The following ASCC3 variants were observed in gnomAD, a reference collection of about 807,000 sequenced individuals.
ASCC3 encodes the protein ASC-1 complex subunit P200.
Under a neutral mutation model 256.3 loss-of-function variants are expected in ASCC3, and 158 were observed. That is an observed-to-expected ratio of 0.62 (90% CI 0.54 to 0.70). The LOEUF is 0.70. Among genes scored for constraint, ASCC3 ranks in the 30% least tolerant of loss-of-function variants. The probability of loss-of-function intolerance (pLI) is 0.00; values close to 1 mark genes in which losing one functional copy is unlikely to be tolerated. For missense variants in ASCC3, 2,259 were observed against 2,626.0 expected (o/e 0.86, Z 3.05); for synonymous variants, 948 against 883.4 (o/e 1.07, Z -1.30).
chr6:100,859,247 A>G, intron 3 of ASCC3: 2 of 778,968 alleles, frequency 2.6e-6, no homozygotes, highest in Non-Finnish European at 4.8e-6. Context: ...TTTCTGGGTT[A>G]ATTTCTGCTT....
chr6:100,538,034 T>C (rs1414142553), intron 37 of ASCC3, among the ~76,000 whole-genome samples: 31 of 152,024 alleles, frequency 2.0e-4, no homozygotes, highest in Non-Finnish European at 7.4e-5. Flanking sequence ...ATATGGCTTT[T>C]GAATCATTAT....
intron 36 of ASCC3, among the ~76,000 whole-genome samples, chr6:100,555,126 TA>T (rs11454168): frequency 0.019 from 2,744 of 148,184 alleles, 74 homozygotes; most frequent in African/African-American, 0.064. Flanking sequence ...TTGAAAAAAG[TA>T]AAAAAAAAAT....
chr6:100,718,934 T>C (rs1779203053), intron 11 of ASCC3, among the ~76,000 whole-genome samples: 1 of 152,068 alleles, frequency 6.6e-6, no homozygotes, highest in African/African-American at 2.4e-5. Flanking sequence ...ATTCATTTGT[T>C]AATTAAAATA....
intron 36 of ASCC3, among the ~76,000 whole-genome samples, chr6:100,583,194 C>T (rs1027675203): frequency 9.2e-5 from 14 of 152,248 alleles, no homozygotes; most frequent in East Asian, 3.9e-4. Context: ...TTGTACAATT[C>T]GGCTGTGAAT....
At chr6:100,587,110 C>A (rs1393227574) in intron 36 of ASCC3, among the ~76,000 whole-genome samples, 1 of 152,094 alleles carries the variant, frequency 6.6e-6, no homozygotes, top group Non-Finnish European at 1.5e-5. Flanking sequence ...GGAAACAGAT[C>A]TTTGAAACAC....
At chr6:100,592,944 C>G (rs183961999) in intron 34 of ASCC3, among the ~76,000 whole-genome samples, 160 of 152,226 alleles carry the variant, frequency 1.1e-3, no homozygotes, top group Non-Finnish European at 1.7e-3. Flanking sequence ...ATTATCTTCT[C>G]TTTGCCATAA....
chr6:100,793,915 C>A (rs1386084903), intron 8 of ASCC3, among the ~76,000 whole-genome samples: 5 of 151,998 alleles, frequency 3.3e-5, no homozygotes, highest in African/African-American at 1.2e-4. Context: ...CTATTCCTCA[C>A]CTTAGTAAAT....
At chr6:100,721,687 A>G (rs755456256) in intron 11 of ASCC3, among the ~76,000 whole-genome samples, 4 of 151,756 alleles carry the variant, frequency 2.6e-5, no homozygotes, top group Non-Finnish European at 5.9e-5. Flanking sequence ...GCATATACAC[A>G]TATTTTTAAT....
At chr6:100,578,229 C>T (rs1264232224) in intron 36 of ASCC3, among the ~76,000 whole-genome samples, 1 of 151,982 alleles carries the variant, frequency 6.6e-6, no homozygotes, top group Non-Finnish European at 1.5e-5. Flanking sequence ...GAATTTTTAC[C>T]AATTCTGACA....
chr6:100,821,408 TG>T (rs774593196), intron 4 of ASCC3, among the ~76,000 whole-genome samples: 131 of 59,150 alleles, frequency 2.2e-3, no homozygotes, highest in Non-Finnish European at 6.1e-3. Context: ...ATCAAAAACA[TG>T]TGCACAAGTT....
chr6:100,825,592 C>G (rs1325161448), intron 4 of ASCC3, among the ~76,000 whole-genome samples: 1 of 152,068 alleles, frequency 6.6e-6, no homozygotes, highest in Non-Finnish European at 1.5e-5. Context: ...TGAGGTTGCT[C>G]TTCTTGAGGA....
At chr6:100,798,672 C>T in intron 8 of ASCC3, 41 bp downstream of exon 8, 1 of 1,608,968 alleles carries the variant, frequency 6.2e-7, no homozygotes, top group Non-Finnish European at 8.5e-7. Context: ...TACCGCATAC[C>T]AAGCCTCAAA....
intron 8 of ASCC3, among the ~76,000 whole-genome samples, chr6:100,783,616 C>T (rs1782550188): frequency 2.6e-5 from 4 of 152,126 alleles, no homozygotes; most frequent in Admixed American, 2.6e-4. Flanking sequence ...CCACATACCT[C>T]CACATTGTAA....
At chr6:100,614,253 G>A (rs551921163) in intron 30 of ASCC3, among the ~76,000 whole-genome samples, 18 of 152,026 alleles carry the variant, frequency 1.2e-4, no homozygotes, top group Non-Finnish European at 1.9e-4. Context: ...TAAAATTTTC[G>A]AAAGTAGTAT....
At chr6:100,784,328 G>A (rs1782592118) in intron 8 of ASCC3, among the ~76,000 whole-genome samples, 1 of 151,934 alleles carries the variant, frequency 6.6e-6, no homozygotes, top group South Asian at 2.1e-4. Flanking sequence ...CAAATATATT[G>A]CTTATATCCA....
chr6:100,642,481 T>C, intron 24 of ASCC3, 100 bp downstream of exon 24: 1 of 1,232,922 alleles, frequency 8.1e-7, no homozygotes, highest in Non-Finnish European at 1.2e-6. Flanking sequence ...GTTATAATGA[T>C]TACAAGTAAA....
At chr6:100,811,601 A>G (rs1462467609) in intron 4 of ASCC3, among the ~76,000 whole-genome samples, 2 of 152,170 alleles carry the variant, frequency 1.3e-5, no homozygotes, top group Non-Finnish European at 2.9e-5. Flanking sequence ...GTCTTTAACA[A>G]GAGAAAGAAA....
intron 30 of ASCC3, among the ~76,000 whole-genome samples, chr6:100,619,766 C>G (rs930479531): frequency 8.5e-5 from 13 of 152,196 alleles, no homozygotes; most frequent in African/African-American, 2.9e-4. Flanking sequence ...TTCCCTCTTT[C>G]TATCCTCTTT....
In ASCC3 at chr6:100,557,573, T is replaced by C. The variant is rs574896782; in HGVS notation, c.5551-17186A>G. On this transcript the variant is annotated intron_variant, in intron 36 of 41. Coordinates refer to ENST00000369162, the MANE Select transcript of ASCC3 (RefSeq NM_006828.4). ...CATTAGTATAGCCACTGACTGACAT[T>C]AGTATGGTATAATTCAGCTTTTACA... is the stretch of plus-strand genomic sequence containing the variant. 7.9e-5 allele frequency among the ~76,000 whole-genome samples: 12 copies of C among 152,192 alleles called. No individual in the cohort carries two copies. In the South Asian group the frequency reaches 2.5e-3, roughly 32 times the overall value.
Sources: allele counts gnomAD v4.1 joint callset (sites outside exome capture counted in the v4.1 genomes callset), GRCh38; gene constraint gnomAD v4.1.1; transcripts MANE v1.5; gene names NCBI Gene and HGNC (gene_info 2026-07-23, HGNC 2026-07-21).